Variants in NRP2 observed in about 807,000 individuals in gnomAD.
NRP2 encodes the protein neuropilin 2.
NRP2 carries 52 observed loss-of-function variants against 110.4 expected under a neutral mutation model. That is an observed-to-expected ratio of 0.47 (90% confidence interval 0.38 to 0.59). The LOEUF (loss-of-function observed/expected upper bound fraction) is 0.59, where lower values mean the gene tolerates loss of function less well. Ranked by LOEUF, NRP2 falls within the 20% of genes least tolerant of loss-of-function variation. NRP2 has a pLI of 0.00. For synonymous variants in NRP2, 508 were observed against 468.9 expected, an observed-to-expected ratio of 1.08 and a Z score of -1.08; for missense variants, 1,049 against 1,203.0, an observed-to-expected ratio of 0.87 and a Z score of 1.89.
At chr2:205,770,214 G>A (rs1355742848) in intron 15 of NRP2, among the ~76,000 whole-genome samples, 1 of 152,162 alleles carries the variant, frequency 6.6e-6, no homozygotes, top group Non-Finnish European at 1.5e-5. Context: ...CGTTTCAGCT[G>A]GGAATGTGGG....
intron 7 of NRP2, among the ~76,000 whole-genome samples, chr2:205,736,157 C>T (rs536592502): frequency 8.5e-5 from 13 of 152,168 alleles, no homozygotes; most frequent in South Asian, 4.2e-4. Flanking sequence ...GCCTGGCCAA[C>T]GTGGTGAAAC....
intron 7 of NRP2, among the ~76,000 whole-genome samples, chr2:205,736,295 T>C (rs1372869248): frequency 1.3e-5 from 2 of 152,142 alleles, no homozygotes; most frequent in Non-Finnish European, 2.9e-5. Flanking sequence ...TGAGCCAAGA[T>C]TGTGCCACTG....
At chr2:205,776,683 T>C (rs2058106664) in intron 15 of NRP2, 2 of 1,531,438 alleles carry the variant, frequency 1.3e-6, no homozygotes, top group African/African-American at 1.4e-5. Flanking sequence ...ATCCCAACCA[T>C]CCTCCTTGGG....
intron 1 of NRP2, among the ~76,000 whole-genome samples, chr2:205,692,745 G>T (rs2056339248): frequency 6.6e-6 from 1 of 152,146 alleles, no homozygotes; most frequent in African/African-American, 2.4e-5. Flanking sequence ...GATAGAACAG[G>T]GGTAGCACCT....
rs542054356 is a variant in NRP2, at chr2:205,733,298, G to A, written c.1146+5252G>A. On this transcript the variant is annotated intron_variant, in intron 7 of 16. Transcript: ENST00000357785. ...AGTAGCTGAGGCGCGCCTCCCTGGCGCTGATAGCCTTGATGTTAAACTCCA... is the reference window on the plus strand; with the variant it reads ...AGTAGCTGAGGCGCGCCTCCCTGGCACTGATAGCCTTGATGTTAAACTCCA... Among the ~76,000 whole-genome samples, 8 of 152,294 alleles carry A rather than the reference G, an allele frequency of 5.3e-5. No homozygotes were observed. The East Asian group carries it at 7.7e-4, about 15-fold the overall frequency.
At chr2:205,765,892 C>G (rs537760323) in intron 14 of NRP2, among the ~76,000 whole-genome samples, 2 of 152,310 alleles carry the variant, frequency 1.3e-5, no homozygotes, top group East Asian at 3.9e-4. Context: ...ACGAGAGCAA[C>G]TGCCAGTCAA....
At chr2:205,758,659 C>A (rs147143507) in intron 12 of NRP2, among the ~76,000 whole-genome samples, 9 of 152,164 alleles carry the variant, frequency 5.9e-5, no homozygotes, top group Non-Finnish European at 8.8e-5. Flanking sequence ...AAGGACCCAG[C>A]GAAATGCCTC....
Position 205,792,269 on chromosome 2 carries a change from T to C in NRP2, c.2460T>C (p.Tyr820=). 6.2e-7 allele frequency: 1 copy of C among 1,603,108 alleles called. No homozygotes were observed. The highest frequency in any genetic ancestry group is 1.1e-5 in the South Asian group (1 of 90,832). The change falls in exon 16 of 17, where the codon TAT becomes TAC. Residue 820 remains tyrosine (Y), a synonymous_variant. Coordinates refer to ENST00000357785, the MANE Select transcript of NRP2 (RefSeq NM_003872.3). ...DIPEIHEREG[Y]EDEIDDEYEV... is the part of the protein sequence containing the mutation. ...CAGAAATACATGAGAGAGAAGGATA[T>C]GAAGATGAAATTGATGGTGAGTACT...
In NRP2 at chr2:205,786,641, G is replaced by A. The variant is rs757293060; in HGVS notation, c.2426-5594G>A. Among the ~76,000 whole-genome samples the A allele has an allele frequency of 4.6e-5, 7 of 152,144 alleles. No individual in the cohort carries two copies. In the East Asian group the frequency reaches 7.7e-4, roughly 17 times the overall value. On this transcript the variant is annotated intron_variant, in intron 15 of 16. Coordinates refer to ENST00000357785, the MANE Select transcript of NRP2 (RefSeq NM_003872.3). ...GTTTCCTGTGTGTAAGAGGCTCTTCGATCCTTGCCTTCAAGGCTGGTTGAA... is the reference window on the plus strand; with the variant it reads ...GTTTCCTGTGTGTAAGAGGCTCTTCAATCCTTGCCTTCAAGGCTGGTTGAA...
At chr2:205,691,642 T>A (rs1456572941) in intron 1 of NRP2, among the ~76,000 whole-genome samples, 1 of 152,230 alleles carries the variant, frequency 6.6e-6, no homozygotes, top group African/African-American at 2.4e-5. Flanking sequence ...TCTCCTTTGG[T>A]TTTTGGAGAG....
rs2057743709 is a variant in NRP2 at position 205,756,927 on chromosome 2, A to G, written c.2044+3952A>G. 3 of 152,348 alleles carry G rather than the reference A, an allele frequency of 2.0e-5. No homozygotes were observed. The South Asian group carries it at 6.2e-4, about 32-fold the overall frequency. 9.4% of individuals were successfully genotyped at this position (152,348 alleles called of 1,614,324 possible). ...AAGAGCATTGTAAGTAAATATTAATACTAAGTAAGGTCAATAATCATCATC... is the reference window on the plus strand; with the variant it reads ...AAGAGCATTGTAAGTAAATATTAATGCTAAGTAAGGTCAATAATCATCATC... On this transcript the variant is annotated intron_variant, in intron 12 of 16. Transcript: ENST00000357785.
At chr2:205,776,053 G>A (rs984026763) in intron 15 of NRP2, 5 of 740,022 alleles carry the variant, frequency 6.8e-6, no homozygotes, top group Non-Finnish European at 1.2e-5. Context: ...TACCTCCCAA[G>A]GGGGTAAGTA....
intron 2 of NRP2, among the ~76,000 whole-genome samples, chr2:205,715,541 CCTCGCAGAGTCAT>C (rs1480334855): frequency 6.6e-6 from 1 of 152,162 alleles, no homozygotes; most frequent in Non-Finnish European, 1.5e-5. Context: ...CTGATGGGAA[CCTCGCAGAGTCAT>C]CTTAGGGAGG....
chr2:205,714,788 C>T (rs1476335716), intron 2 of NRP2, among the ~76,000 whole-genome samples: 1 of 152,162 alleles, frequency 6.6e-6, no homozygotes, highest in Non-Finnish European at 1.5e-5. Flanking sequence ...TTAATCCTGG[C>T]CCACTCCTTA....
At chr2:205,694,180 TAAG>T (rs2056374136) in intron 1 of NRP2, among the ~76,000 whole-genome samples, 1 of 152,102 alleles carries the variant, frequency 6.6e-6, no homozygotes, top group Non-Finnish European at 1.5e-5. Flanking sequence ...CAACAATACT[TAAG>T]AAGGAGAAAA....
At chr2:205,729,501 C>T (rs1052820302) in intron 7 of NRP2, among the ~76,000 whole-genome samples, 1 of 152,150 alleles carries the variant, frequency 6.6e-6, no homozygotes, top group African/African-American at 2.4e-5. Context: ...AATTATAAAC[C>T]GGTAGATCTC....
rs190313063 is a variant in NRP2, at chr2:205,725,256, C to T, written c.821-657C>T. 3.9e-5 allele frequency among the ~76,000 whole-genome samples: 6 copies of T among 152,278 alleles called. No individual in the cohort carries two copies. Among genetic ancestry groups the T allele is most frequent in the Non-Finnish European group, 1.5e-5 (1 of 68,022 alleles). ...ATTGCTGGCCGATCTTAGACACATGCACACACACATATCGATCAGTGTTGA... is the reference window on the plus strand; with the variant it reads ...ATTGCTGGCCGATCTTAGACACATGTACACACACATATCGATCAGTGTTGA... On this transcript the variant is annotated intron_variant, in intron 5 of 16. Coordinates refer to ENST00000357785, the MANE Select transcript of NRP2 (RefSeq NM_003872.3). This position sits in a 1 kb window ranked among gnomAD's most constrained non-coding sequence, Gnocchi z 4.1.
rs117881644 is a variant in NRP2, at chr2:205,727,027, C to A, written c.991-864C>A. ...CCAGAAAGTTCTGTATAACTGGCAT[C>A]CCCTATCTTTGACCTTAATCATATA... is the stretch of plus-strand genomic sequence containing the variant. On this transcript the variant is annotated intron_variant, in intron 6 of 16. Transcript: ENST00000357785. Among the ~76,000 whole-genome samples, 3 of 152,316 alleles carry A rather than the reference C, an allele frequency of 2.0e-5. No individual in the cohort carries two copies. In the East Asian group the frequency reaches 5.8e-4, roughly 29 times the overall value.
At position 205,763,644 on chromosome 2, in the gene NRP2, A is replaced by G; in HGVS notation, c.2045-30A>G. 2 of 1,613,820 alleles carry G rather than the reference A, an allele frequency of 1.2e-6. No individual in the cohort carries two copies. Among genetic ancestry groups the G allele is most frequent in the Non-Finnish European group, 1.7e-6 (2 of 1,180,002 alleles). ...TGGTGTCTTTCCCGAGTGTTTATGGAGAACCTCTGTTTGGGTTTGTTTCTG... is the reference window on the plus strand; with the variant it reads ...TGGTGTCTTTCCCGAGTGTTTATGGGGAACCTCTGTTTGGGTTTGTTTCTG... On this transcript the variant is annotated intron_variant, in intron 12 of 16. Coordinates refer to ENST00000357785, the MANE Select transcript of NRP2 (RefSeq NM_003872.3). This position sits in a 1 kb window ranked among gnomAD's most constrained non-coding sequence, Gnocchi z 4.0.
Sources: allele counts gnomAD v4.1 joint callset (sites outside exome capture counted in the v4.1 genomes callset), GRCh38; gene constraint gnomAD v4.1.1; non-coding constraint Gnocchi (gnomAD v3.1); transcripts MANE v1.5; gene names NCBI Gene and HGNC (gene_info 2026-07-23, HGNC 2026-07-21).